The following ULK4 variants were observed in gnomAD, a reference collection of about 807,000 sequenced individuals.
ULK4 encodes the protein inactive serine/threonine-protein kinase ULK4.
Under a neutral mutation model 160.6 loss-of-function variants are expected in ULK4, and 133 were observed. That is an observed-to-expected ratio of 0.83 (90% confidence interval 0.72 to 0.96). The LOEUF is 0.96. Ranked by LOEUF, ULK4 falls within the 40% of genes least tolerant of loss-of-function variation. The pLI, the probability that ULK4 is intolerant of heterozygous loss-of-function variation, is 0.00. For missense variants in ULK4, 1,580 were observed against 1,499.5 expected, an observed-to-expected ratio of 1.05 and a Z score of -0.89; for synonymous variants, 534 against 539.8, an observed-to-expected ratio of 0.99 and a Z score of 0.15.
chr3:41,540,837 T>C (rs1575383587), intron 32 of ULK4, among the ~76,000 whole-genome samples: 1 of 152,198 alleles, frequency 6.6e-6, no homozygotes, highest in Middle Eastern at 3.4e-3. Context: ...TGTCTTCTTT[T>C]GAGAAGTGTC....
chr3:41,742,145 T>G (rs191049446), intron 22 of ULK4, among the ~76,000 whole-genome samples: 48 of 149,716 alleles, frequency 3.2e-4, no homozygotes, highest in Admixed American at 1.5e-3. Flanking sequence ...GAATTTTATC[T>G]TCTACCTTAA....
At chr3:41,645,671 G>T (rs949013415) in intron 30 of ULK4, among the ~76,000 whole-genome samples, 2 of 152,126 alleles carry the variant, frequency 1.3e-5, no homozygotes, top group African/African-American at 4.8e-5. Context: ...ATATTCTGTT[G>T]ATTTGGGGTG....
At chr3:41,836,830 A>G (rs562069261) in intron 17 of ULK4, among the ~76,000 whole-genome samples, 9 of 152,210 alleles carry the variant, frequency 5.9e-5, no homozygotes, top group Admixed American at 1.3e-4. Flanking sequence ...AGAAAATCAC[A>G]TACACTCATT....
chr3:41,369,729 G>A (rs2081324237), intron 35 of ULK4, among the ~76,000 whole-genome samples: 1 of 150,946 alleles, frequency 6.6e-6, no homozygotes, highest in Non-Finnish European at 1.5e-5. Flanking sequence ...GGGAGGCAGA[G>A]CTTGCAGTGA....
At chr3:41,380,704 G>A (rs1040521880) in intron 35 of ULK4, among the ~76,000 whole-genome samples, 8 of 152,120 alleles carry the variant, frequency 5.3e-5, no homozygotes, top group Admixed American at 4.6e-4. Flanking sequence ...AGGCCCCCCA[G>A]GTCAGCCTTC....
intron 25 of ULK4, 142 bp downstream of exon 25, chr3:41,715,095 T>C (rs1417283690): frequency 1.3e-6 from 1 of 791,012 alleles, no homozygotes; most frequent in East Asian, 2.5e-5. Context: ...AGTCAACAGA[T>C]AAAAATATTA....
At chr3:41,397,930 G>A in intron 35 of ULK4, 149 bp downstream of exon 35, 3 of 809,432 alleles carry the variant, frequency 3.7e-6, no homozygotes, top group Non-Finnish European at 5.8e-6. Context: ...TCAACAACAG[G>A]TGATTAAGGA....
At chr3:41,797,332 T>C (rs1038779162) in intron 20 of ULK4, among the ~76,000 whole-genome samples, 5 of 152,110 alleles carry the variant, frequency 3.3e-5, no homozygotes, top group African/African-American at 1.2e-4. Context: ...CAACCTCCGA[T>C]GTAAAAAGAA....
At chr3:41,454,310 C>T (rs1482907652) in intron 34 of ULK4, among the ~76,000 whole-genome samples, 2 of 149,944 alleles carry the variant, frequency 1.3e-5, no homozygotes, top group African/African-American at 2.5e-5. Flanking sequence ...GAGGCCAAGG[C>T]AGGCGGATCA....
At chr3:41,468,140 A>G (rs1278338182) in intron 32 of ULK4, among the ~76,000 whole-genome samples, 2 of 152,198 alleles carry the variant, frequency 1.3e-5, no homozygotes, top group Non-Finnish European at 2.9e-5. Flanking sequence ...AACTTTTAAG[A>G]TATGCTGAGT....
chr3:41,740,039 T>A (rs1475014147), intron 22 of ULK4, among the ~76,000 whole-genome samples: 1 of 151,902 alleles, frequency 6.6e-6, no homozygotes, highest in African/African-American at 2.4e-5. Context: ...AAACTATCAG[T>A]ATTTCCTTTT....
intron 31 of ULK4, among the ~76,000 whole-genome samples, chr3:41,590,461 CAAAAAAA>C (rs71075479): frequency 5.3e-4 from 30 of 56,886 alleles, no homozygotes; most frequent in African/African-American, 1.5e-3. Context: ...ACTAAAAATA[CAAAAAAA>C]AAAAAAAAAA....
chr3:41,689,617 A>C (rs562121941), intron 27 of ULK4, among the ~76,000 whole-genome samples: 5 of 152,342 alleles, frequency 3.3e-5, no homozygotes, highest in African/African-American at 9.6e-5. Flanking sequence ...AACCCCATCA[A>C]AAAGTGGGCA....
chr3:41,707,388 G>T (rs1328336589), intron 25 of ULK4, among the ~76,000 whole-genome samples: 1 of 152,038 alleles, frequency 6.6e-6, no homozygotes, highest in Non-Finnish European at 1.5e-5. Flanking sequence ...AACATAAAAA[G>T]CTTCTGCACC....
chr3:41,805,199 G>A (rs796518698), intron 19 of ULK4, among the ~76,000 whole-genome samples: 18,671 of 149,224 alleles, frequency 0.13, 100 homozygotes, highest in Middle Eastern at 0.23. Context: ...GGTCCTTCAC[G>A]TCCCTTGTAA....
At chr3:41,249,724 T>C (rs912875241) in intron 35 of ULK4, 150 bp from the exon 36 acceptor site, 2 of 722,856 alleles carry the variant, frequency 2.8e-6, no homozygotes, top group African/African-American at 1.8e-5. Context: ...GTAACCCCCA[T>C]GCGTAACCTC....
rs114300144 is a variant in ULK4, at chr3:41,958,245, T to C, written c.-48-3438A>G. ...ATACATGGATAAGCAAAATGTAATA[T>C]ATTTTGCTTTTGCAAAAATGAAGTT... On this transcript the variant is annotated intron_variant, in intron 1 of 36. Coordinates refer to ENST00000301831, the MANE Select transcript of ULK4 (RefSeq NM_017886.4). Among the ~76,000 whole-genome samples, 686 of 152,288 alleles carry C rather than the reference T, an allele frequency of 4.5e-3. 1 individual carries two copies. Among genetic ancestry groups the C allele is most frequent in the African/African-American group, 0.016 (654 of 41,552 alleles).
intron 35 of ULK4, among the ~76,000 whole-genome samples, chr3:41,279,008 A>G (rs940146951): frequency 2.6e-5 from 4 of 152,206 alleles, no homozygotes; most frequent in Non-Finnish European, 5.9e-5. Context: ...TCCGACCTAA[A>G]GGAGCATGTT....
chr3:41,588,125 T>C lies in ULK4; in HGVS notation c.3121-21995A>G, dbSNP rs373634310. ...AGGATGCCAGTGAAAGGTGCCACAA[T>C]AGAACTGCAAACAAAAGAAGCAGGT... On this transcript the variant is annotated intron_variant, in intron 31 of 36. Coordinates refer to ENST00000301831, the MANE Select transcript of ULK4 (RefSeq NM_017886.4). 1.7e-3 allele frequency among the ~76,000 whole-genome samples: 252 copies of C among 152,028 alleles called. 1 individual carries two copies. The highest frequency in any genetic ancestry group is 5.8e-3 in the African/African-American group (240 of 41,472).
Sources: allele counts gnomAD v4.1 joint callset (sites outside exome capture counted in the v4.1 genomes callset), GRCh38; gene constraint gnomAD v4.1.1; transcripts MANE v1.5; gene names NCBI Gene and HGNC (gene_info 2026-07-23, HGNC 2026-07-21).